The following MRM3 variants were observed in gnomAD, a reference collection of about 807,000 sequenced individuals.
The protein encoded by MRM3 is rRNA methyltransferase 3, mitochondrial.
MRM3 carries 26 observed loss-of-function variants against 29.4 expected under a neutral mutation model. That is an observed-to-expected ratio of 0.89 (90% CI 0.65 to 1.23). MRM3 has a LOEUF of 1.23. MRM3 is among the 50% of genes most tolerant of loss of function. The probability of loss-of-function intolerance (pLI) is 0.00; values close to 1 mark genes in which losing one functional copy is unlikely to be tolerated. For missense variants in MRM3, 578 were observed against 540.2 expected, an observed-to-expected ratio of 1.07 and a Z score of -0.69; for synonymous variants, 225 against 219.0, an observed-to-expected ratio of 1.03 and a Z score of -0.24.
At chr17:788,188 G>A in intron 3 of MRM3, 56 bp downstream of exon 3, 2 of 1,580,358 alleles carry the variant, frequency 1.3e-6, no homozygotes, top group Non-Finnish European at 1.7e-6. Context: ...AGCCCTTTGG[G>A]AGGCCGAGGC....
Position 782,602 on chromosome 17 carries a change from C to G in MRM3, c.224C>G (p.Pro75Arg). 6.2e-7 allele frequency: 1 copy of G among 1,614,036 alleles called. No individual in the cohort carries two copies. Among genetic ancestry groups the G allele is most frequent in the South Asian group, 1.1e-5 (1 of 91,076 alleles). ...GCCCAGGAGCAACGAGAGAAACAAC[C>G]GCTCGAGGAGTCCGCATCCCGCGCT... is the stretch of plus-strand genomic sequence containing the variant. ...ASAQEQREKQ[P>R]LEESASRAPS... The change falls in exon 1 of 4, where the codon CCG becomes CGG. Residue 75 changes from proline (P) to arginine (R), a missense_variant. By Grantham distance (103) the Pro-to-Arg change is moderately radical. Transcript: ENST00000304478.
rs552276601 is a variant in MRM3 at position 782,989 on chromosome 17, T to C, written c.315-94T>C. ...AGGCGTGAGCCACCGCGCCCGGCCC[T>C]CTCCGTAGCTCTTTATTTCTGTTAC... On this transcript the variant is annotated intron_variant, in intron 1 of 3. Transcript: ENST00000304478. The C allele has an allele frequency of 1.4e-4, 206 of 1,497,628 alleles. No individual in the cohort carries two copies. In the African/African-American group the frequency reaches 1.5e-3, roughly 11 times the overall value. The allele number at this position is 1,497,628 out of a possible 1,614,324, so 92.8% of individuals were successfully genotyped here. A position where few individuals can be genotyped will look rare whatever the true frequency, so the allele number is the denominator to read the frequency against.
chr17:791,591 G>T lies in MRM3; in HGVS notation c.785G>T (p.Arg262Leu), dbSNP rs749621203. 1.2e-6 allele frequency: 2 copies of T among 1,614,174 alleles called. No individual in the cohort carries two copies. ...CGGGCGGGTATGGGCGCACATTTCC[G>T]GATGCCCATTATCAATAATCTGGAA... ...VLRAGMGAHF[R>L]MPIINNLEWE... Residue 262 changes from arginine (R) to leucine (L), a missense_variant, in exon 4 of 4, where the codon CGG (arginine) becomes CTG (leucine). Coordinates refer to ENST00000304478, the MANE Select transcript of MRM3 (RefSeq NM_018146.4).
chr17:784,771 G>A (rs1240876544), intron 2 of MRM3, among the ~76,000 whole-genome samples: 1 of 152,146 alleles, frequency 6.6e-6, no homozygotes, highest in African/African-American at 2.4e-5. Flanking sequence ...CCGTATAGTG[G>A]GTTCTCATCA....
intron 2 of MRM3, chr17:783,592 C>CG: frequency 6.4e-6 from 2 of 313,682 alleles, no homozygotes; most frequent in South Asian, 3.4e-5. Flanking sequence ...CTGCCTCGGC[C>CG]TCCCAAAGTG....
At chr17:785,430 T>C (rs1001606920) in intron 2 of MRM3, among the ~76,000 whole-genome samples, 3 of 152,176 alleles carry the variant, frequency 2.0e-5, no homozygotes, top group African/African-American at 7.2e-5. Flanking sequence ...ATATATAATT[T>C]TATCATGTAG....
At position 782,475 on chromosome 17, in the gene MRM3, C is replaced by T; in HGVS notation, c.97C>T (p.Leu33=). 1 of 1,613,818 alleles carries T rather than the reference C, an allele frequency of 6.2e-7. No homozygotes were observed. The highest frequency in any genetic ancestry group is 1.1e-5 in the South Asian group (1 of 91,074). ...DLDARRWVRA[L]RRSPVKVVFP... ...TGACGCGAGGCGCTGGGTCCGGGCG[C>T]TGCGGCGGAGCCCAGTGAAAGTGGT... is the stretch of plus-strand genomic sequence containing the variant. Residue 33 remains leucine (L), a synonymous_variant, in exon 1 of 4, where the codon CTG becomes TTG. Coordinates refer to ENST00000304478, the MANE Select transcript of MRM3 (RefSeq NM_018146.4).
intron 2 of MRM3, chr17:783,557 G>C: frequency 2.7e-6 from 1 of 370,212 alleles, no homozygotes; most frequent in Non-Finnish European, 5.0e-6. Flanking sequence ...GGCTGACGTC[G>C]AACTTGTGAC....
At chr17:783,391 C>G in intron 2 of MRM3, 64 bp downstream of exon 2, 3 of 1,483,568 alleles carry the variant, frequency 2.0e-6, no homozygotes, top group South Asian at 2.7e-5. Flanking sequence ...GGCTGGAGTG[C>G]AATGGCGCGA....
chr17:783,540 T>C (rs1419189517), intron 2 of MRM3: 1 of 414,166 alleles, frequency 2.4e-6, no homozygotes, highest in Non-Finnish European at 4.4e-6. Flanking sequence ...TTTCACCATG[T>C]TGGCCAGGCT....
rs748780662 is a variant in MRM3 at position 791,837 on chromosome 17, C to T, written c.1031C>T (p.Ser344Leu). Residue 344 changes from serine to leucine, a missense_variant, in exon 4 of 4, where the codon TCG (serine) becomes TTG (leucine). Ser to Leu is a moderately radical substitution (Grantham distance 145, BLOSUM62 -2). Coordinates refer to ENST00000304478, the MANE Select transcript of MRM3 (RefSeq NM_018146.4). ...CATGTTGAGGTTCAGAGTTACGACTCGGACTGGACAGAGGCGCCGGCAGCT... is the reference window on the plus strand; with the variant it reads ...CATGTTGAGGTTCAGAGTTACGACTTGGACTGGACAGAGGCGCCGGCAGCT... ...LPHVEVQSYD[S>L]DWTEAPAAVV... The T allele has an allele frequency of 1.7e-5, 27 of 1,614,162 alleles. No individual in the cohort carries two copies. In the South Asian group the frequency reaches 2.7e-4, roughly 16 times the overall value.
chr17:789,759 G>A (rs1213671852), intron 3 of MRM3: 4 of 152,224 alleles, frequency 2.6e-5, no homozygotes, highest in Non-Finnish European at 4.4e-5. Flanking sequence ...GTGGGATTTG[G>A]AAATAAATCT....
chr17:788,280 T>G, intron 3 of MRM3, 148 bp downstream of exon 3: 1 of 728,782 alleles, frequency 1.4e-6, no homozygotes, highest in Non-Finnish European at 2.2e-6. Context: ...AAACTACAAT[T>G]AGCTGGGTGT....
At chr17:786,848 C>A (rs1910557371) in intron 2 of MRM3, among the ~76,000 whole-genome samples, 1 of 152,188 alleles carries the variant, frequency 6.6e-6, no homozygotes, top group Non-Finnish European at 1.5e-5. Flanking sequence ...GACAGACAGT[C>A]CTACAGGGAT....
Position 783,108 on chromosome 17 carries a change from A to C in MRM3, c.340A>C (p.Arg114=), listed in dbSNP as rs764346542. The C allele has an allele frequency of 1.4e-5, 22 of 1,613,554 alleles. No homozygotes were observed. In the African/African-American group the frequency reaches 2.5e-4, roughly 19 times the overall value. The stretch of plus-strand genomic sequence containing the variant: ...CAGTGTAATGACAATAGTAAAGTCC[A>C]GGCCATTTCGGGAAAAACAAGGGAA... ...LSSVMTIVKS[R]PFREKQGKIL... Residue 114 remains arginine, a synonymous_variant, in exon 2 of 4, where the codon AGG becomes CGG. Coordinates refer to ENST00000304478, the MANE Select transcript of MRM3 (RefSeq NM_018146.4).
rs758239172 is a variant in MRM3 at position 791,929 on chromosome 17, G to A, written c.1123G>A (p.Gly375Ser). Reference sequence around the variant, plus strand: ...CCTGCAGCTGGCCGAGAGCACTGGTGGCAAGAGGCTGCTGATCCCCGTTGT... The same window carrying A: ...CCTGCAGCTGGCCGAGAGCACTGGTAGCAAGAGGCTGCTGATCCCCGTTGT... ...ESLQLAESTGGKRLLIPVVPG... is the reference protein window; with the variant it reads ...ESLQLAESTGSKRLLIPVVPG... The change falls in exon 4 of 4, where the codon GGC becomes AGC. Residue 375 changes from glycine to serine, a missense_variant. Physicochemically the swap from Gly to Ser is moderately conservative, Grantham distance 56 (BLOSUM62 0). Coordinates refer to ENST00000304478, the MANE Select transcript of MRM3 (RefSeq NM_018146.4). 1.4e-5 allele frequency: 22 copies of A among 1,614,068 alleles called. No individual in the cohort carries two copies. The highest frequency in any genetic ancestry group is 1.9e-5 in the Non-Finnish European group (22 of 1,180,038).
chr17:791,671 A>G lies in MRM3; in HGVS notation c.865A>G (p.Asn289Asp). 1 of 1,614,176 alleles carries G rather than the reference A, an allele frequency of 6.2e-7. No individual in the cohort carries two copies. The highest frequency in any genetic ancestry group is 1.1e-5 in the South Asian group (1 of 91,086). ...PPDTRVYVAD[N>D]CGLYAQAEMS... ...TGACACTCGGGTCTATGTGGCTGAC[A>G]ACTGTGGCCTTTATGCCCAGGCTGA... is the stretch of plus-strand genomic sequence containing the variant. Residue 289 changes from asparagine to aspartate, a missense_variant, in exon 4 of 4, where the codon AAC (asparagine) becomes GAC (aspartate). Transcript: ENST00000304478.
intron 3 of MRM3, chr17:790,566 A>T (rs1230919392): frequency 5.5e-6 from 1 of 180,276 alleles, no homozygotes; most frequent in African/African-American, 2.5e-5. Context: ...TGGCTGGCTC[A>T]CCTCCTGTGC....
intron 2 of MRM3, among the ~76,000 whole-genome samples, chr17:785,791 G>A (rs1910504217): frequency 6.6e-6 from 1 of 152,222 alleles, no homozygotes; most frequent in African/African-American, 2.4e-5. Context: ...TTTAAAATGA[G>A]TGATAAAGGA....
Sources: gnomAD v4.1 joint callset for allele counts (sites outside exome capture counted in the v4.1 genomes callset) on GRCh38, gnomAD v4.1.1 for gene constraint, MANE v1.5 for transcripts, NCBI Gene and HGNC (gene_info 2026-07-23, HGNC 2026-07-21) for gene names.